Variants in GFOD1 observed in about 807,000 individuals in gnomAD.
GFOD1 encodes the protein glucose-fructose oxidoreductase domain-containing protein 1.
In GFOD1, 9 loss-of-function variants were observed where a neutral mutation model predicts 25.4. That is an observed-to-expected ratio of 0.35 (90% CI 0.21 to 0.62). The LOEUF is 0.62. GFOD1 is among the 20% of genes least tolerant of loss of function. GFOD1 has a pLI of 0.72. For missense variants in GFOD1, 403 were observed against 556.9 expected (o/e 0.72, Z 2.78); for synonymous variants, 253 against 245.6 (o/e 1.03, Z -0.28).
intron 1 of GFOD1, among the ~76,000 whole-genome samples, chr6:13,387,169 CA>C (rs1333975911): frequency 6.6e-6 from 1 of 152,166 alleles, no homozygotes; most frequent in Non-Finnish European, 1.5e-5. Flanking sequence ...TAATGCAGCA[CA>C]GTATTAATAC....
chr6:13,442,428 T>C (rs1243817401), intron 1 of GFOD1, among the ~76,000 whole-genome samples: 3 of 152,226 alleles, frequency 2.0e-5, no homozygotes, highest in East Asian at 3.8e-4. Flanking sequence ...TTTTCATTAC[T>C]GGTATTATGA....
intron 1 of GFOD1, among the ~76,000 whole-genome samples, chr6:13,460,858 A>G (rs1433055101): frequency 6.6e-6 from 1 of 152,148 alleles, no homozygotes; most frequent in Admixed American, 6.5e-5. Flanking sequence ...TTTTTTAAAA[A>G]GGGTTTGCAG....
chr6:13,382,345 C>CA, intron 1 of GFOD1, among the ~76,000 whole-genome samples: 1 of 76,110 alleles, frequency 1.3e-5, no homozygotes, highest in Non-Finnish European at 2.8e-5. Flanking sequence ...GTAATTGAAT[C>CA]ATGGGGGGGG....
intron 1 of GFOD1, among the ~76,000 whole-genome samples, chr6:13,439,046 A>G (rs1425984171): frequency 7.9e-6 from 1 of 127,050 alleles, no homozygotes; most frequent in Admixed American, 8.1e-5. Flanking sequence ...ATGTCTAGAA[A>G]CATCCATCTC....
intron 1 of GFOD1, among the ~76,000 whole-genome samples, chr6:13,480,165 C>T (rs750617732): frequency 6.6e-6 from 1 of 152,170 alleles, no homozygotes; most frequent in Non-Finnish European, 1.5e-5. Context: ...GCTGATGACG[C>T]CAAACAAGTT....
At chr6:13,385,680 T>C (rs577077883) in intron 1 of GFOD1, among the ~76,000 whole-genome samples, 1 of 152,314 alleles carries the variant, frequency 6.6e-6, no homozygotes, top group South Asian at 2.1e-4. Context: ...AATTTCTACT[T>C]GAAGAATAAA....
At chr6:13,367,198 T>C (rs745718696) in intron 1 of GFOD1, among the ~76,000 whole-genome samples, 1 of 152,202 alleles carries the variant, frequency 6.6e-6, no homozygotes, top group Non-Finnish European at 1.5e-5. Flanking sequence ...TAAGAATACA[T>C]AAACTTAAAT....
chr6:13,438,165 C>T (rs1045274975), intron 1 of GFOD1, among the ~76,000 whole-genome samples: 1 of 152,226 alleles, frequency 6.6e-6, no homozygotes, highest in Admixed American at 6.5e-5. Context: ...TTTGAGCCTC[C>T]TCTTCCATTC....
intron 1 of GFOD1, among the ~76,000 whole-genome samples, chr6:13,419,753 C>T (rs147247779): frequency 1.6e-4 from 25 of 152,312 alleles, no homozygotes; most frequent in Non-Finnish European, 2.9e-4. Flanking sequence ...AAACCCACTC[C>T]CACCCCCTTC....
At chr6:13,396,651 T>A (rs1308651897) in intron 1 of GFOD1, among the ~76,000 whole-genome samples, 2 of 152,132 alleles carry the variant, frequency 1.3e-5, no homozygotes, top group Non-Finnish European at 2.9e-5. Context: ...TAAGCACCAC[T>A]CTTACAAGAA....
At chr6:13,444,613 G>A (rs1345279218) in intron 1 of GFOD1, among the ~76,000 whole-genome samples, 2 of 151,638 alleles carry the variant, frequency 1.3e-5, no homozygotes, top group Non-Finnish European at 2.9e-5. Flanking sequence ...ATTTTTATTG[G>A]GATTGAATTT....
intron 1 of GFOD1, among the ~76,000 whole-genome samples, chr6:13,387,379 G>A (rs528513832): frequency 4.6e-4 from 70 of 152,232 alleles, no homozygotes; most frequent in Middle Eastern, 3.4e-3. Flanking sequence ...TAAAATACTG[G>A]CAAACCGAAT....
At chr6:13,456,089 C>A (rs976808726) in intron 1 of GFOD1, among the ~76,000 whole-genome samples, 1 of 152,182 alleles carries the variant, frequency 6.6e-6, no homozygotes, top group East Asian at 1.9e-4. Flanking sequence ...AGTGCAACAG[C>A]CCTACCTTGA....
chr6:13,477,261 G>C (rs574762864), intron 1 of GFOD1, among the ~76,000 whole-genome samples: 4 of 137,958 alleles, frequency 2.9e-5, no homozygotes, highest in South Asian at 2.4e-4. Context: ...GTGTAGATGA[G>C]AGATTCGTTT....
At chr6:13,440,492 A>G (rs1243718067) in intron 1 of GFOD1, among the ~76,000 whole-genome samples, 1 of 152,152 alleles carries the variant, frequency 6.6e-6, no homozygotes, top group East Asian at 1.9e-4. Context: ...TGTGTGGCCA[A>G]CATGAATTCT....
At chr6:13,476,159 T>C (rs2127578614) in intron 1 of GFOD1, among the ~76,000 whole-genome samples, 2 of 152,340 alleles carry the variant, frequency 1.3e-5, no homozygotes. Flanking sequence ...ACAGCAGCAT[T>C]ATTCACAATC....
At chr6:13,456,523 G>A (rs1179312140) in intron 1 of GFOD1, among the ~76,000 whole-genome samples, 1 of 152,146 alleles carries the variant, frequency 6.6e-6, no homozygotes, top group East Asian at 1.9e-4. Flanking sequence ...GACTACAGGT[G>A]CAAGCTTATT....
chr6:13,425,977 C>T (rs754899095), intron 1 of GFOD1, among the ~76,000 whole-genome samples: 9 of 152,202 alleles, frequency 5.9e-5, no homozygotes, highest in Admixed American at 1.3e-4. Context: ...CATTCAAAGC[C>T]GTGCCGGGCT....
intron 1 of GFOD1, among the ~76,000 whole-genome samples, chr6:13,377,616 G>A (rs977245002): frequency 1.3e-5 from 2 of 152,166 alleles, no homozygotes; most frequent in Non-Finnish European, 2.9e-5. Flanking sequence ...CCTTTCCAGA[G>A]CTCCTGTGAT....
Sources: allele counts gnomAD v4.1 joint callset (sites outside exome capture counted in the v4.1 genomes callset), GRCh38; gene constraint gnomAD v4.1.1; transcripts MANE v1.5; gene names NCBI Gene and HGNC (gene_info 2026-07-23, HGNC 2026-07-21).